Variants in DGKB observed in about 807,000 individuals in gnomAD.
The protein encoded by DGKB is 90 kDa diacylglycerol kinase.
A neutral mutation model predicts 114.3 loss-of-function variants in DGKB; 67 were observed. That is an observed-to-expected ratio of 0.59 (90% confidence interval 0.48 to 0.72). The LOEUF (loss-of-function observed/expected upper bound fraction) is 0.72, where lower values mean the gene tolerates loss of function less well. DGKB is among the 30% of genes least tolerant of loss of function. The probability of loss-of-function intolerance (pLI) is 0.00; values close to 1 mark genes in which losing one functional copy is unlikely to be tolerated. For missense variants in DGKB, 907 were observed against 975.2 expected, an observed-to-expected ratio of 0.93 and a Z score of 0.93; for synonymous variants, 398 against 323.1, an observed-to-expected ratio of 1.23 and a Z score of -2.49.
intron 1 of DGKB, among the ~76,000 whole-genome samples, chr7:14,892,878 G>GTGTC (rs1781480260): frequency 6.6e-6 from 1 of 150,410 alleles, no homozygotes; most frequent in Non-Finnish European, 1.5e-5. Flanking sequence ...GTGTGTGTGT[G>GTGTC]TGTGTGTGTA....
chr7:14,554,945 T>C (rs1298624441), intron 20 of DGKB, among the ~76,000 whole-genome samples: 2 of 152,174 alleles, frequency 1.3e-5, no homozygotes, highest in Non-Finnish European at 2.9e-5. Flanking sequence ...AGTTTTAATA[T>C]ATATTTTTAA....
chr7:14,662,240 GAT>G (rs1817275908), intron 13 of DGKB, among the ~76,000 whole-genome samples: 1 of 151,258 alleles, frequency 6.6e-6, no homozygotes, highest in Middle Eastern at 3.4e-3. Context: ...TAAAAAAAGA[GAT>G]ATGAGAGTTG....
chr7:14,468,257 A>G (rs944937670), intron 21 of DGKB, among the ~76,000 whole-genome samples: 36 of 152,102 alleles, frequency 2.4e-4, no homozygotes, highest in African/African-American at 8.7e-4. Context: ...GGTTAACGTC[A>G]CAGGCTTATT....
chr7:14,324,446 CAA>C (rs5882440), intron 23 of DGKB, among the ~76,000 whole-genome samples: 12 of 118,640 alleles, frequency 1.0e-4, no homozygotes, highest in South Asian at 2.9e-4. Context: ...GACTCTGTCT[CAA>C]AAAAAAAAAA....
chr7:14,188,345 C>T (rs1005959808), intron 23 of DGKB, among the ~76,000 whole-genome samples: 2 of 152,148 alleles, frequency 1.3e-5, no homozygotes, highest in Non-Finnish European at 2.9e-5. Context: ...GAGTTATGAA[C>T]ATCCAGATTG....
intron 1 of DGKB, among the ~76,000 whole-genome samples, chr7:14,912,006 G>A (rs1237788399): frequency 6.6e-6 from 1 of 152,132 alleles, no homozygotes; most frequent in South Asian, 2.1e-4. Flanking sequence ...TTTTGTACTT[G>A]TTTTAGTTTG....
chr7:14,731,074 G>C (rs1287237655), intron 5 of DGKB, among the ~76,000 whole-genome samples: 1 of 152,164 alleles, frequency 6.6e-6, no homozygotes, highest in East Asian at 1.9e-4. Context: ...GTACTAGAGA[G>C]TATTTTGTGA....
chr7:14,921,803 C>T (rs1486585990), intron 1 of DGKB, among the ~76,000 whole-genome samples: 1 of 152,114 alleles, frequency 6.6e-6, no homozygotes, highest in Non-Finnish European at 1.5e-5. Flanking sequence ...TTGAAACTTA[C>T]CCTAAAAACT....
chr7:14,285,265 A>C lies in DGKB; in HGVS notation c.2122+53250T>G, dbSNP rs529753748. ...TAGGTGGGTGCTACAAAGTTGAAAA[A>C]GACGTGCAACTTACTAGCTTGTGCA... is the stretch of plus-strand genomic sequence containing the variant. On this transcript the variant is annotated intron_variant, in intron 23 of 25. Coordinates refer to ENST00000402815, the MANE Select transcript of DGKB (RefSeq NM_001350709.2). Among the ~76,000 whole-genome samples, 299 of 152,292 alleles carry C rather than the reference A, an allele frequency of 2.0e-3. 3 individuals carry two copies. Among genetic ancestry groups the C allele is most frequent in the African/African-American group, 6.7e-3 (279 of 41,576 alleles).
chr7:14,834,032 C>G (rs1403085650), intron 2 of DGKB, among the ~76,000 whole-genome samples: 1 of 152,068 alleles, frequency 6.6e-6, no homozygotes. Flanking sequence ...AGCTTGTGTA[C>G]TCTATTTATT....
At chr7:14,302,681 T>A (rs1803759664) in intron 23 of DGKB, among the ~76,000 whole-genome samples, 1 of 152,130 alleles carries the variant, frequency 6.6e-6, no homozygotes, top group African/African-American at 2.4e-5. Context: ...CAGCCCCCTA[T>A]TAATTGTAGC....
chr7:14,917,740 A>T (rs1784309711), intron 1 of DGKB, among the ~76,000 whole-genome samples: 1 of 151,968 alleles, frequency 6.6e-6, no homozygotes, highest in South Asian at 2.1e-4. Flanking sequence ...AAAAAATACA[A>T]GCAGAAAGAC....
chr7:14,897,105 C>T (rs1200845302), intron 1 of DGKB, among the ~76,000 whole-genome samples: 1 of 151,698 alleles, frequency 6.6e-6, no homozygotes, highest in African/African-American at 2.4e-5. Flanking sequence ...ATAACTGATT[C>T]ATGTGGATTA....
intron 12 of DGKB, among the ~76,000 whole-genome samples, chr7:14,681,430 TGTGA>T (rs1303686447): frequency 1.3e-5 from 2 of 151,924 alleles, no homozygotes; most frequent in Admixed American, 1.3e-4. Context: ...TGCATGTGTG[TGTGA>T]GTGTGTGTGT....
chr7:14,511,673 C>A (rs760504327), intron 20 of DGKB, among the ~76,000 whole-genome samples: 14 of 152,194 alleles, frequency 9.2e-5, no homozygotes, highest in Non-Finnish European at 1.9e-4. Flanking sequence ...AGCGGCTTAG[C>A]TTTCAGTATC....
intron 23 of DGKB, among the ~76,000 whole-genome samples, chr7:14,254,685 C>A (rs565732326): frequency 1.3e-5 from 2 of 152,110 alleles, no homozygotes; most frequent in Non-Finnish European, 2.9e-5. Context: ...TTATTTCTAG[C>A]CACTTCTAGT....
intron 13 of DGKB, among the ~76,000 whole-genome samples, chr7:14,646,098 G>C (rs993917684): frequency 6.6e-6 from 1 of 152,092 alleles, no homozygotes; most frequent in Admixed American, 6.6e-5. Flanking sequence ...AAAACAACAA[G>C]ATCCAACTAT....
intron 25 of DGKB, among the ~76,000 whole-genome samples, chr7:14,167,205 C>CT (rs1562514577): frequency 2.2e-5 from 3 of 136,624 alleles, no homozygotes; most frequent in Admixed American, 7.5e-5. Flanking sequence ...AATGAGACTC[C>CT]ATCTCAAAAA....
At chr7:14,538,505 G>C (rs1231003993) in intron 20 of DGKB, among the ~76,000 whole-genome samples, 1 of 152,142 alleles carries the variant, frequency 6.6e-6, no homozygotes, top group Non-Finnish European at 1.5e-5. Context: ...TAAAGTTATG[G>C]AGAAATCGGA....
Sources: allele counts gnomAD v4.1 joint callset (sites outside exome capture counted in the v4.1 genomes callset), GRCh38; gene constraint gnomAD v4.1.1; transcripts MANE v1.5; gene names NCBI Gene and HGNC (gene_info 2026-07-23, HGNC 2026-07-21).